HERC6: variants seen among roughly 807,000 people sequenced by gnomAD.
HERC6 encodes HECT and RLD domain containing E3 ubiquitin protein ligase family member 6, also known as probable E3 ubiquitin-protein ligase HERC6.
Under a neutral mutation model 114.5 loss-of-function variants are expected in HERC6, and 101 were observed. The ratio of observed to expected loss-of-function variants is 0.88; its 90% CI spans 0.75 to 1.04. The LOEUF (loss-of-function observed/expected upper bound fraction) is 1.04, where lower values mean the gene tolerates loss of function less well. Ranked by LOEUF, HERC6 falls within the 50% of genes least tolerant of loss-of-function variation. HERC6 has a pLI of 0.00. For missense variants in HERC6, 1,133 were observed against 1,230.9 expected (o/e 0.92, Z 1.19); for synonymous variants, 408 against 436.2 (o/e 0.94, Z 0.81).
chr4:88,404,649 C>G lies in HERC6; in HGVS notation c.1093-227C>G, dbSNP rs531052131. Among the ~76,000 whole-genome samples, 14 of 149,800 alleles carry G rather than the reference C, an allele frequency of 9.3e-5. No homozygotes were observed. In the South Asian group the frequency reaches 3.0e-3, roughly 32 times the overall value. ...GTATCTGTTTGAAGCCCTGCATTCA[C>G]TTTTTTTTTTCTTTTTTAATGATGA... is the stretch of plus-strand genomic sequence containing the variant. On this transcript the variant is annotated intron_variant, in intron 8 of 22. Transcript: ENST00000264346.
At chr4:88,441,989 G>A (rs565465218) in intron 22 of HERC6, among the ~76,000 whole-genome samples, 2 of 152,112 alleles carry the variant, frequency 1.3e-5, no homozygotes, top group Non-Finnish European at 2.9e-5. Flanking sequence ...TCCTAGATGA[G>A]CTAAATAAAC....
At chr4:88,382,477 G>T (rs1578365320) in intron 1 of HERC6, among the ~76,000 whole-genome samples, 1 of 152,300 alleles carries the variant, frequency 6.6e-6, no homozygotes, top group African/African-American at 2.4e-5. Context: ...AGACAGAATA[G>T]CAAAATGGAG....
chr4:88,430,821 A>G (rs1376871837), intron 16 of HERC6, among the ~76,000 whole-genome samples: 3 of 152,284 alleles, frequency 2.0e-5, no homozygotes, highest in Admixed American at 6.5e-5. Context: ...ACAAGATAGA[A>G]TAATCAGGGA....
chr4:88,387,307 G>A (rs1734633704), intron 3 of HERC6, among the ~76,000 whole-genome samples: 1 of 152,212 alleles, frequency 6.6e-6, no homozygotes, highest in African/African-American at 2.4e-5. Flanking sequence ...TGAAGTTGGA[G>A]GAGTGCTCGA....
chr4:88,422,602 C>CATA (rs75327860), intron 13 of HERC6, among the ~76,000 whole-genome samples: 61,517 of 151,712 alleles, frequency 0.41, 14,764 homozygotes, highest in East Asian at 0.69. Context: ...ACAGCCTGCT[C>CATA]ATGTGTTATA....
chr4:88,383,122 G>A, intron 1 of HERC6, 99 bp from the exon 2 acceptor site: 1 of 1,454,466 alleles, frequency 6.9e-7, no homozygotes, highest in Non-Finnish European at 9.3e-7. Context: ...CAAGAAATCT[G>A]GATGATCCTT....
intron 11 of HERC6, among the ~76,000 whole-genome samples, chr4:88,411,425 C>T (rs1265844305): frequency 6.6e-6 from 1 of 152,068 alleles, no homozygotes; most frequent in Non-Finnish European, 1.5e-5. Flanking sequence ...CATTGTGATG[C>T]TATTTTCTGG....
At chr4:88,399,082 A>G (rs1019303300) in intron 8 of HERC6, 12 of 152,230 alleles carry the variant, frequency 7.9e-5, no homozygotes, top group African/African-American at 2.7e-4. Context: ...TATGGAAACA[A>G]AGGCCTTCAT....
chr4:88,411,135 C>A (rs999414044), intron 11 of HERC6, among the ~76,000 whole-genome samples: 2 of 152,104 alleles, frequency 1.3e-5, no homozygotes, highest in Non-Finnish European at 2.9e-5. Flanking sequence ...ACAATATTTT[C>A]ATTTTCAAGA....
chr4:88,428,839 C>A, intron 16 of HERC6, 89 bp downstream of exon 16: 1 of 1,103,628 alleles, frequency 9.1e-7, no homozygotes, highest in Non-Finnish European at 1.2e-6. Flanking sequence ...AAAGAGCCTG[C>A]ATTTGCCTCT....
intron 17 of HERC6, among the ~76,000 whole-genome samples, chr4:88,434,899 G>A (rs1738587374): frequency 6.6e-6 from 1 of 152,068 alleles, no homozygotes; most frequent in Non-Finnish European, 1.5e-5. Context: ...GGACCCCTTT[G>A]TCGATTACTT....
intron 16 of HERC6, among the ~76,000 whole-genome samples, chr4:88,429,139 A>C (rs1737933996): frequency 6.6e-6 from 1 of 152,174 alleles, no homozygotes; most frequent in South Asian, 2.1e-4. Flanking sequence ...GGACTGGCTG[A>C]CCTAGGCCTG....
At chr4:88,426,545 T>C (rs143416820) in intron 15 of HERC6, among the ~76,000 whole-genome samples, 2,644 of 152,058 alleles carry the variant, frequency 0.017, 41 homozygotes, top group Non-Finnish European at 0.026. Context: ...GATGGTGCGA[T>C]TTCTGCTCAC....
chr4:88,378,883 C>A lies in HERC6; in HGVS notation c.-39C>A. On this transcript the variant is annotated 5_prime_UTR_variant, in exon 1 of 23. Transcript: ENST00000264346. ...GTTCGGGAGCCTGTCGCAGCGGGAC[C>A]GACGGAATCCGGAGCAGGCGACAGG... The A allele has an allele frequency of 6.6e-7, 1 of 1,524,170 alleles. No individual in the cohort carries two copies. The highest frequency in any genetic ancestry group is 8.8e-7 in the Non-Finnish European group (1 of 1,133,126). The allele number at this position is 1,524,170 out of a possible 1,614,324, so 94.4% of individuals were successfully genotyped here.
chr4:88,425,732 T>A (rs953952415), intron 15 of HERC6, among the ~76,000 whole-genome samples: 70 of 152,196 alleles, frequency 4.6e-4, no homozygotes, highest in African/African-American at 1.6e-3. Context: ...ACCATCAGCC[T>A]TAGTTCTCAG....
chr4:88,423,915 C>T lies in HERC6; in HGVS notation c.1769C>T (p.Ser590Phe). 5.1e-6 allele frequency: 8 copies of T among 1,579,626 alleles called. No homozygotes were observed. The highest frequency in any genetic ancestry group is 6.9e-6 in the Non-Finnish European group (8 of 1,165,152). The change falls in exon 14 of 23, where the codon TCC becomes TTC. Residue 590 changes from serine to phenylalanine, a missense_variant. Around this residue, in one of 3 missense-constraint regions of HERC6, gnomAD observed 735 missense variants for 754.0 expected, o/e 0.97. Transcript: ENST00000264346. ...AATACTTTCAACATAAATGAACTCT[C>T]CAACTTATTAAACTTTTATATAGAT... is the stretch of plus-strand genomic sequence containing the variant. ...PENTFNINEL[S>F]NLLNFYIDRG...
At chr4:88,433,480 C>T (rs1006541837) in intron 17 of HERC6, among the ~76,000 whole-genome samples, 2 of 152,100 alleles carry the variant, frequency 1.3e-5, no homozygotes, top group African/African-American at 2.4e-5. Context: ...ATAGATTAAT[C>T]CACTCATGGA....
At chr4:88,405,731 A>G in intron 10 of HERC6, 118 bp downstream of exon 10, 1 of 473,772 alleles carries the variant, frequency 2.1e-6, no homozygotes, top group Non-Finnish European at 3.7e-6. Flanking sequence ...TCCAACACAG[A>G]GAACTCTGTA....
chr4:88,383,672 A>G (rs557443673), intron 2 of HERC6, among the ~76,000 whole-genome samples: 2 of 140,258 alleles, frequency 1.4e-5, no homozygotes, highest in South Asian at 2.5e-4. Context: ...CTGAAGCGGG[A>G]GAATCGCTTG....
Sources: allele counts gnomAD v4.1 joint callset (sites outside exome capture counted in the v4.1 genomes callset), GRCh38; gene constraint gnomAD v4.1.1; regional missense constraint gnomAD v4.1.1; transcripts MANE v1.5; gene names NCBI Gene and HGNC (gene_info 2026-07-23, HGNC 2026-07-21).